The following CSMD1 variants were observed in gnomAD, a reference collection of about 807,000 sequenced individuals.
CSMD1 encodes CUB and sushi domain-containing protein 1.
In CSMD1, 213 loss-of-function variants were observed where a neutral mutation model predicts 417.5. The observed-to-expected ratio is 0.51, with a 90% CI of 0.46 to 0.57. CSMD1 has a LOEUF of 0.57. Among genes scored for constraint, CSMD1 ranks in the 20% least tolerant of loss-of-function variants. CSMD1 has a pLI of 0.00. For synonymous variants in CSMD1, 2,862 were observed against 1,736.8 expected (o/e 1.65, Z -16.11); for missense variants, 6,923 against 4,529.7 (o/e 1.53, Z -15.17).
At chr8:3,514,808 G>A (rs143154774) in intron 10 of CSMD1, among the ~76,000 whole-genome samples, 41 of 152,044 alleles carry the variant, frequency 2.7e-4, no homozygotes, top group African/African-American at 9.2e-4. Flanking sequence ...ACTTACAGTG[G>A]GTACCTATAT....
intron 1 of CSMD1, among the ~76,000 whole-genome samples, chr8:4,974,900 T>C (rs537372844): frequency 6.6e-6 from 1 of 152,224 alleles, no homozygotes; most frequent in Non-Finnish European, 1.5e-5. Context: ...AAAACTATGA[T>C]GGTTTATGTT....
Position 4,498,013 on chromosome 8 carries a change from G to A in CSMD1, c.303-77948C>T, listed in dbSNP as rs931644606. ...AAATGACAAGTACAGTAAACGTCCCGCAGCCCCAGGCTTCATTGTCATCTG... is the reference window on the plus strand; with the variant it reads ...AAATGACAAGTACAGTAAACGTCCCACAGCCCCAGGCTTCATTGTCATCTG... On this transcript the variant is annotated intron_variant, in intron 2 of 69. Coordinates refer to ENST00000635120, the MANE Select transcript of CSMD1 (RefSeq NM_033225.6). 7.9e-5 allele frequency among the ~76,000 whole-genome samples: 12 copies of A among 152,042 alleles called. No individual in the cohort carries two copies. In the South Asian group the frequency reaches 1.5e-3, roughly 18 times the overall value.
intron 6 of CSMD1, among the ~76,000 whole-genome samples, chr8:3,720,513 C>A (rs916498629): frequency 6.6e-6 from 1 of 152,110 alleles, no homozygotes; most frequent in African/African-American, 2.4e-5. Context: ...CTTTCTGCTG[C>A]CATAGACCTT....
At chr8:4,125,097 G>C (rs972216819) in intron 3 of CSMD1, among the ~76,000 whole-genome samples, 20 of 140,810 alleles carry the variant, frequency 1.4e-4, no homozygotes, top group African/African-American at 5.3e-4. Flanking sequence ...CCTTGAAGCC[G>C]GTGAGACCAG....
chr8:3,398,262 G>A (rs1310115977), intron 16 of CSMD1, among the ~76,000 whole-genome samples: 3 of 152,070 alleles, frequency 2.0e-5, no homozygotes, highest in Admixed American at 6.6e-5. Flanking sequence ...GAAACCCAAC[G>A]TAATCAACTG....
chr8:3,174,291 G>A (rs1193512894), intron 37 of CSMD1, among the ~76,000 whole-genome samples: 1 of 152,120 alleles, frequency 6.6e-6, no homozygotes, highest in East Asian at 1.9e-4. Flanking sequence ...CTCAGGAGTT[G>A]GAGACTAGCC....
chr8:3,616,853 G>T (rs966825076), intron 7 of CSMD1, 56 bp from the exon 8 acceptor site: 1 of 1,260,496 alleles, frequency 7.9e-7, no homozygotes, highest in Non-Finnish European at 1.1e-6. Context: ...GAAATACCCA[G>T]ATAAAAAATT....
chr8:3,888,433 G>C (rs115305088), intron 5 of CSMD1, among the ~76,000 whole-genome samples: 7 of 152,226 alleles, frequency 4.6e-5, no homozygotes, highest in Admixed American at 2.6e-4. Flanking sequence ...TTAATGCAAG[G>C]TTCATGTGCA....
intron 3 of CSMD1, among the ~76,000 whole-genome samples, chr8:4,188,733 G>C (rs149596569): frequency 2.0e-4 from 31 of 151,854 alleles, no homozygotes; most frequent in African/African-American, 7.0e-4. Context: ...CAATTTTTGA[G>C]TAATGTCTAG....
Position 3,406,185 on chromosome 8 carries a change from G to A in CSMD1, c.2108C>T (p.Pro703Leu), listed in dbSNP as rs377019385. The A allele has an allele frequency of 1.2e-6, 2 of 1,611,312 alleles. No individual in the cohort carries two copies. The highest frequency in any genetic ancestry group is 1.7e-6 in the Non-Finnish European group (2 of 1,178,640). The part of the protein sequence containing the change: ...GQNECHDPGI[P>L]INGRRFGDRF... ...GTCACCAAAACGTCGTCCGTTTATA[G>A]GAATGCCAGGATCATGGCACTCATT... Residue 703 changes from proline (P) to leucine (L), a missense_variant, in exon 15 of 70, where the codon CCT becomes CTT. By Grantham distance (98) the Pro-to-Leu change is moderately conservative (BLOSUM62 -3). Coordinates refer to ENST00000635120, the MANE Select transcript of CSMD1 (RefSeq NM_033225.6).
chr8:2,963,435 C>G (rs747390594), intron 59 of CSMD1, 40 bp from the exon 60 acceptor site: 1 of 1,596,682 alleles, frequency 6.3e-7, no homozygotes, highest in Non-Finnish European at 8.6e-7. Flanking sequence ...TTCCGGAGCT[C>G]CCGCTGCAGC....
At chr8:4,317,657 G>T (rs1003337037) in intron 3 of CSMD1, among the ~76,000 whole-genome samples, 9 of 152,068 alleles carry the variant, frequency 5.9e-5, no homozygotes, top group Admixed American at 5.9e-4. Context: ...CTGACAAGCA[G>T]GAAGTTTAAA....
chr8:3,910,576 T>C (rs953424725), intron 5 of CSMD1, among the ~76,000 whole-genome samples: 6 of 152,322 alleles, frequency 3.9e-5, no homozygotes, highest in Non-Finnish European at 7.3e-5. Flanking sequence ...GTATTATGAA[T>C]GCATTATTTT....
intron 3 of CSMD1, among the ~76,000 whole-genome samples, chr8:4,069,531 C>G (rs1364999916): frequency 6.6e-6 from 1 of 152,136 alleles, no homozygotes; most frequent in East Asian, 1.9e-4. Flanking sequence ...ATGATTTGTT[C>G]TTACCACCCT....
At chr8:4,123,398 C>T (rs1361873357) in intron 3 of CSMD1, among the ~76,000 whole-genome samples, 1 of 152,190 alleles carries the variant, frequency 6.6e-6, no homozygotes, top group Non-Finnish European at 1.5e-5. Flanking sequence ...CTGGGTGTGC[C>T]ACATATTTCA....
chr8:4,144,784 A>G (rs1467609209), intron 3 of CSMD1, among the ~76,000 whole-genome samples: 1 of 151,012 alleles, frequency 6.6e-6, no homozygotes, highest in Non-Finnish European at 1.5e-5. Flanking sequence ...TGGATTTACC[A>G]GGTTGTCAGT....
At chr8:4,830,708 C>T (rs899489190) in intron 1 of CSMD1, among the ~76,000 whole-genome samples, 6 of 152,202 alleles carry the variant, frequency 3.9e-5, no homozygotes, top group African/African-American at 1.4e-4. Context: ...CACTGTATTG[C>T]AACCCTGTGT....
chr8:3,262,187 ATATATATATATATATATATATATATAT>A (rs1801121805), intron 26 of CSMD1, among the ~76,000 whole-genome samples: 12 of 46,836 alleles, frequency 2.6e-4, no homozygotes, highest in African/African-American at 8.3e-4. Flanking sequence ...TCATATGAAT[ATATATATATATATATATATATATATAT>A]ATATATATAT....
At chr8:4,639,835 G>A (rs1803085118) in intron 1 of CSMD1, among the ~76,000 whole-genome samples, 1 of 151,966 alleles carries the variant, frequency 6.6e-6, no homozygotes, top group African/African-American at 2.4e-5. Context: ...TTAATGAAAG[G>A]GATTTATGAG....
Sources: gnomAD v4.1 joint callset for allele counts (sites outside exome capture counted in the v4.1 genomes callset) on GRCh38, gnomAD v4.1.1 for gene constraint, MANE v1.5 for transcripts, NCBI Gene and HGNC (gene_info 2026-07-23, HGNC 2026-07-21) for gene names.